Variants in ST7 observed in about 807,000 individuals in gnomAD.
The protein encoded by ST7 is suppressor of tumorigenicity 7 protein.
In ST7, 28 loss-of-function variants were observed where a neutral mutation model predicts 78.7. That is an observed-to-expected ratio of 0.36 (90% confidence interval 0.26 to 0.49). ST7 has a LOEUF of 0.49. Among genes scored for constraint, ST7 ranks in the 20% least tolerant of loss-of-function variants. ST7 has a pLI of 0.99. For synonymous variants in ST7, 247 were observed against 249.6 expected (o/e 0.99, Z 0.10); for missense variants, 418 against 696.0 (o/e 0.60, Z 4.49).
At chr7:117,003,633 A>G (rs1795036580) in intron 1 of ST7, among the ~76,000 whole-genome samples, 1 of 150,818 alleles carries the variant, frequency 6.6e-6, no homozygotes, top group South Asian at 2.1e-4. Context: ...GGGTTTCGCC[A>G]TGTTGCCCAG....
chr7:117,102,939 C>T (rs957888794), intron 2 of ST7, among the ~76,000 whole-genome samples: 1 of 151,874 alleles, frequency 6.6e-6, no homozygotes, highest in African/African-American at 2.4e-5. Flanking sequence ...TAACAGTGAA[C>T]AATCTGAAAA....
At chr7:117,065,202 GTC>G (rs1157536564) in intron 1 of ST7, among the ~76,000 whole-genome samples, 1 of 127,564 alleles carries the variant, frequency 7.8e-6, no homozygotes, top group Non-Finnish European at 1.6e-5. Flanking sequence ...TTTGGTTCAA[GTC>G]TTTTTTTTTT....
chr7:116,994,187 A>C (rs1410467956), intron 1 of ST7, among the ~76,000 whole-genome samples: 1 of 152,178 alleles, frequency 6.6e-6, no homozygotes, highest in African/African-American at 2.4e-5. Flanking sequence ...ACCCTTGGCA[A>C]TCACCGTTCT....
intron 12 of ST7, among the ~76,000 whole-genome samples, chr7:117,201,374 C>T (rs1354485325): frequency 6.6e-6 from 1 of 151,988 alleles, no homozygotes; most frequent in African/African-American, 2.4e-5. Flanking sequence ...AGCTGCTTTC[C>T]CCAAGACTAC....
intron 1 of ST7, among the ~76,000 whole-genome samples, chr7:117,089,233 C>T (rs535896248): frequency 3.8e-4 from 58 of 152,292 alleles, no homozygotes; most frequent in Non-Finnish European, 7.2e-4. Context: ...ACCTAGAGCT[C>T]CTTGAGGATA....
intron 6 of ST7, 58 bp from the exon 7 acceptor site, chr7:117,134,065 TC>T: frequency 1.9e-6 from 3 of 1,599,802 alleles, no homozygotes; most frequent in Admixed American, 1.7e-5. Flanking sequence ...ACATAGTGAC[TC>T]TCTCTGAATG....
chr7:117,219,537 G>T lies in ST7; in HGVS notation c.1498+361G>T, dbSNP rs571637116. 1.3e-5 allele frequency among the ~76,000 whole-genome samples: 2 copies of T among 152,172 alleles called. No individual in the cohort carries two copies. The highest frequency in any genetic ancestry group is 4.8e-5 in the African/African-American group (2 of 41,426). On this transcript the variant is annotated intron_variant, in intron 14 of 15. Transcript: ENST00000323984. The surrounding 1 kb of genome is among the most constrained non-coding windows in gnomAD (Gnocchi z 5.1). ...CAGCTGGACAGATGTGGTCTGCACC[G>T]ACCGGAGTTTGAAGAGGAGCTGCTG...
intron 1 of ST7, chr7:116,972,873 A>G: frequency 1.5e-6 from 2 of 1,291,680 alleles, no homozygotes; most frequent in Non-Finnish European, 2.2e-6. Flanking sequence ...GAACCTGGAT[A>G]TTGCCCTTAA....
At chr7:117,222,776 C>T in intron 15 of ST7, 1 of 1,041,126 alleles carries the variant, frequency 9.6e-7, no homozygotes, top group East Asian at 2.4e-5. Context: ...CAATTGTTTC[C>T]CTGGAACTCC....
intron 1 of ST7, among the ~76,000 whole-genome samples, chr7:117,033,140 G>T (rs1448250116): frequency 6.6e-6 from 1 of 152,122 alleles, no homozygotes; most frequent in Non-Finnish European, 1.5e-5. Context: ...CAATTGATAG[G>T]TTAATTATTT....
chr7:116,975,780 G>A (rs964274687), intron 1 of ST7, among the ~76,000 whole-genome samples: 4 of 151,982 alleles, frequency 2.6e-5, no homozygotes, highest in Non-Finnish European at 4.4e-5. Flanking sequence ...ATAGAAAAAG[G>A]GTGTTTCAGA....
intron 1 of ST7, among the ~76,000 whole-genome samples, chr7:117,097,890 A>ATATATATGACATATCAC (rs1801194187): frequency 1.0e-4 from 2 of 19,486 alleles, no homozygotes; most frequent in Non-Finnish European, 2.0e-4. Context: ...CTATATATAT[A>ATATATATGACATATCAC]TATATATATA....
intron 12 of ST7, among the ~76,000 whole-genome samples, chr7:117,204,354 GT>G (rs1375512810): frequency 6.6e-6 from 1 of 152,194 alleles, no homozygotes; most frequent in Non-Finnish European, 1.5e-5. Flanking sequence ...CCAGCAAGGT[GT>G]GTTTTTACTA....
At chr7:117,086,882 A>C (rs2116655720) in intron 1 of ST7, among the ~76,000 whole-genome samples, 1 of 152,332 alleles carries the variant, frequency 6.6e-6, no homozygotes, top group Non-Finnish European at 1.5e-5. Context: ...ATTGGAATTG[A>C]AAATAATAAA....
intron 1 of ST7, among the ~76,000 whole-genome samples, chr7:117,026,445 A>G (rs1265696070): frequency 1.3e-5 from 2 of 152,218 alleles, no homozygotes; most frequent in Non-Finnish European, 2.9e-5. Context: ...CACAAATGCT[A>G]TATTATTTAA....
At chr7:117,188,781 A>G (rs79946939) in intron 10 of ST7, among the ~76,000 whole-genome samples, 2 of 137,268 alleles carry the variant, frequency 1.5e-5, no homozygotes, top group East Asian at 4.2e-4. Context: ...TATAACTTGG[A>G]CTTTTACATT....
chr7:117,050,635 C>T (rs1432202776), intron 1 of ST7, among the ~76,000 whole-genome samples: 1 of 152,136 alleles, frequency 6.6e-6, no homozygotes, highest in Non-Finnish European at 1.5e-5. Flanking sequence ...ACATACCTAA[C>T]TTAAAAATTC....
At chr7:117,103,667 T>C (rs1307994674) in intron 2 of ST7, among the ~76,000 whole-genome samples, 1 of 152,110 alleles carries the variant, frequency 6.6e-6, no homozygotes, top group Non-Finnish European at 1.5e-5. Flanking sequence ...ATTGGGGAAA[T>C]GCTCCAGAAC....
intron 1 of ST7, among the ~76,000 whole-genome samples, chr7:117,028,843 A>G (rs1796331032): frequency 1.3e-5 from 2 of 152,144 alleles, no homozygotes; most frequent in African/African-American, 4.8e-5. Context: ...AGTTGAGGTT[A>G]GCTGTTGACT....
Sources: gnomAD v4.1 joint callset for allele counts (sites outside exome capture counted in the v4.1 genomes callset) on GRCh38, gnomAD v4.1.1 for gene constraint, Gnocchi (gnomAD v3.1) non-coding constraint, MANE v1.5 for transcripts, NCBI Gene and HGNC (gene_info 2026-07-23, HGNC 2026-07-21) for gene names.